The following GALNT17 variants were observed in gnomAD, a reference collection of about 807,000 sequenced individuals.
GALNT17 encodes polypeptide N-acetylgalactosaminyltransferase 17.
A neutral mutation model predicts 63.7 loss-of-function variants in GALNT17; 29 were observed. The ratio of observed to expected loss-of-function variants is 0.46; its 90% confidence interval spans 0.34 to 0.62. GALNT17 has a LOEUF of 0.62. Among genes scored for constraint, GALNT17 ranks in the 20% least tolerant of loss-of-function variants. GALNT17 has a pLI of 0.01. For missense variants in GALNT17, 603 were observed against 799.6 expected, an observed-to-expected ratio of 0.75 and a Z score of 2.97; for synonymous variants, 305 against 318.3, an observed-to-expected ratio of 0.96 and a Z score of 0.45.
chr7:71,601,311 C>T (rs1165745943), intron 6 of GALNT17, among the ~76,000 whole-genome samples: 1 of 152,102 alleles, frequency 6.6e-6, no homozygotes, highest in Non-Finnish European at 1.5e-5. Flanking sequence ...AGTGGGACTG[C>T]TGGATCAAAT....
intron 5 of GALNT17, among the ~76,000 whole-genome samples, chr7:71,471,601 C>G (rs778681585): frequency 1.3e-5 from 2 of 152,076 alleles, no homozygotes; most frequent in Non-Finnish European, 2.9e-5. Flanking sequence ...TTATCCCCTC[C>G]TCCTCCTTGT....
intron 1 of GALNT17, among the ~76,000 whole-genome samples, chr7:71,143,114 G>A (rs1377021996): frequency 6.6e-6 from 1 of 151,784 alleles, no homozygotes; most frequent in Non-Finnish European, 1.5e-5. Context: ...AGGTGTGAAA[G>A]CAAGTCAGAA....
chr7:71,546,608 T>C (rs113361976), intron 5 of GALNT17, among the ~76,000 whole-genome samples: 6 of 152,362 alleles, frequency 3.9e-5, no homozygotes, highest in African/African-American at 1.2e-4. Flanking sequence ...TTCATAGCTG[T>C]GTTAGAACAA....
chr7:71,558,464 C>A (rs1252827575), intron 5 of GALNT17, among the ~76,000 whole-genome samples: 3 of 152,006 alleles, frequency 2.0e-5, no homozygotes, highest in African/African-American at 7.2e-5. Flanking sequence ...AAAAAAAATC[C>A]TTAATTCTCT....
intron 1 of GALNT17, among the ~76,000 whole-genome samples, chr7:71,251,090 C>T (rs1339161554): frequency 1.3e-5 from 2 of 152,094 alleles, no homozygotes; most frequent in South Asian, 2.1e-4. Context: ...CATATGTATA[C>T]ATTCGCCATG....
rs116686747 is a variant in GALNT17, at chr7:71,235,558, A to G, written c.239-99992A>G. Among the ~76,000 whole-genome samples, 1,142 of 152,364 alleles carry G rather than the reference A, an allele frequency of 7.5e-3. 16 individuals are homozygous for G. The highest frequency in any genetic ancestry group is 0.026 in the African/African-American group (1,083 of 41,588). On this transcript the variant is annotated intron_variant, in intron 1 of 10. Transcript: ENST00000333538. ...CCGCTGTTGTACAGAATTAGTTTCC[A>G]TAAGACCAGAAAATACAGAAGAACA...
chr7:71,263,647 G>T (rs1361202013), intron 1 of GALNT17, among the ~76,000 whole-genome samples: 1 of 152,164 alleles, frequency 6.6e-6, no homozygotes, highest in Non-Finnish European at 1.5e-5. Context: ...GATCTGGCCG[G>T]GAGCGGTGGC....
chr7:71,484,135 G>T (rs993573257), intron 5 of GALNT17, among the ~76,000 whole-genome samples: 1 of 152,180 alleles, frequency 6.6e-6, no homozygotes, highest in Non-Finnish European at 1.5e-5. Context: ...CTAAAATAAT[G>T]ATGAAAGTAT....
At chr7:71,450,307 G>A (rs539023109) in intron 5 of GALNT17, among the ~76,000 whole-genome samples, 1 of 151,930 alleles carries the variant, frequency 6.6e-6, no homozygotes, top group South Asian at 2.1e-4. Context: ...GCTAATTTTT[G>A]TATTTTTAGT....
At chr7:71,585,213 CATA>C (rs1411327744) in intron 6 of GALNT17, among the ~76,000 whole-genome samples, 1 of 152,110 alleles carries the variant, frequency 6.6e-6, no homozygotes, top group Non-Finnish European at 1.5e-5. Flanking sequence ...TTGGGAGATA[CATA>C]ATGTCTGGTT....
At chr7:71,198,597 G>A (rs893464155) in intron 1 of GALNT17, among the ~76,000 whole-genome samples, 1 of 152,226 alleles carries the variant, frequency 6.6e-6, no homozygotes, top group African/African-American at 2.4e-5. Context: ...TAGTTGGACT[G>A]ACACCAACAC....
intron 5 of GALNT17, among the ~76,000 whole-genome samples, chr7:71,568,290 C>T (rs1435521002): frequency 6.6e-6 from 1 of 152,262 alleles, no homozygotes; most frequent in African/African-American, 2.4e-5. Context: ...GTGCCTCAGT[C>T]GTTCAGTGGA....
intron 5 of GALNT17, among the ~76,000 whole-genome samples, chr7:71,460,182 T>A (rs1233925702): frequency 6.6e-6 from 1 of 152,070 alleles, no homozygotes. Flanking sequence ...AATAAATCTC[T>A]TCAAGTGTTT....
chr7:71,424,908 A>G (rs1325809804), intron 5 of GALNT17, among the ~76,000 whole-genome samples: 1 of 152,222 alleles, frequency 6.6e-6, no homozygotes, highest in East Asian at 1.9e-4. Flanking sequence ...CTTCCCGGTA[A>G]GCAACATAAT....
chr7:71,207,937 T>TC (rs1166114912), intron 1 of GALNT17, among the ~76,000 whole-genome samples: 5 of 151,232 alleles, frequency 3.3e-5, no homozygotes, highest in African/African-American at 7.4e-5. Flanking sequence ...TTTTCTTTTT[T>TC]CTTTTTTTTT....
At chr7:71,338,391 G>A (rs1791950591) in intron 2 of GALNT17, among the ~76,000 whole-genome samples, 1 of 151,524 alleles carries the variant, frequency 6.6e-6, no homozygotes, top group South Asian at 2.1e-4. Flanking sequence ...CAGGTGTGGT[G>A]GTGGTGCATG....
chr7:71,158,640 A>G lies in GALNT17; in HGVS notation c.238+25600A>G, dbSNP rs1788282006. On this transcript the variant is annotated intron_variant, in intron 1 of 10. Transcript: ENST00000333538. ...TGCCCAGGCTGGAGTGCAGTGGCAC[A>G]ATCTTGGCTAACTGCAAGCTCCACC... is the stretch of plus-strand genomic sequence containing the variant. 5.9e-5 allele frequency among the ~76,000 whole-genome samples: 9 copies of G among 151,552 alleles called. 1 individual carries two copies. In the South Asian group the frequency reaches 1.7e-3, roughly 28 times the overall value.
intron 6 of GALNT17, among the ~76,000 whole-genome samples, chr7:71,624,101 TG>T (rs1790336534): frequency 6.6e-6 from 1 of 152,196 alleles, no homozygotes; most frequent in Non-Finnish European, 1.5e-5. Context: ...TGTCCCACTC[TG>T]TGCTTACGGT....
chr7:71,407,103 G>A (rs552680173), intron 3 of GALNT17, among the ~76,000 whole-genome samples: 5 of 152,262 alleles, frequency 3.3e-5, no homozygotes, highest in Admixed American at 1.3e-4. Flanking sequence ...GAGAAAGGCC[G>A]GCATCTGGGA....
Sources: allele counts gnomAD v4.1 joint callset (sites outside exome capture counted in the v4.1 genomes callset), GRCh38; gene constraint gnomAD v4.1.1; transcripts MANE v1.5; gene names NCBI Gene and HGNC (gene_info 2026-07-23, HGNC 2026-07-21).